ABL2: variants seen among roughly 807,000 people sequenced by gnomAD.
The protein encoded by ABL2 is ABL proto-oncogene 2, non-receptor tyrosine kinase.
In ABL2, 49 loss-of-function variants were observed where a neutral mutation model predicts 107.7. The ratio of observed to expected loss-of-function variants is 0.45; its 90% CI spans 0.36 to 0.58. ABL2 has a LOEUF of 0.58. Among genes scored for constraint, ABL2 ranks in the 20% least tolerant of loss-of-function variants. The pLI is 0.00. For synonymous variants in ABL2, 549 were observed against 548.6 expected (o/e 1.00, Z -0.01); for missense variants, 1,245 against 1,457.0 (o/e 0.85, Z 2.37).
At chr1:179,115,572 C>T (rs959544833) in intron 8 of ABL2, among the ~76,000 whole-genome samples, 2 of 152,124 alleles carry the variant, frequency 1.3e-5, no homozygotes, top group Admixed American at 6.6e-5. Context: ...ATATCCACAC[C>T]GTAGATGCTA....
At chr1:179,166,372 T>C (rs1659377401) in intron 1 of ABL2, among the ~76,000 whole-genome samples, 1 of 118,864 alleles carries the variant, frequency 8.4e-6, no homozygotes, top group African/African-American at 3.2e-5. Context: ...ACTCAGAATA[T>C]ACAAAGAATT....
At chr1:179,124,016 T>C (rs1572644303) in intron 4 of ABL2, among the ~76,000 whole-genome samples, 1 of 151,712 alleles carries the variant, frequency 6.6e-6, no homozygotes, top group Non-Finnish European at 1.5e-5. Context: ...CCAAGGCGGG[T>C]GGATCACGAG....
intron 8 of ABL2, among the ~76,000 whole-genome samples, chr1:179,115,360 C>T (rs1654524151): frequency 6.6e-6 from 1 of 152,162 alleles, no homozygotes; most frequent in African/African-American, 2.4e-5. Context: ...TTTTGATATA[C>T]AGTAGTCACC....
chr1:179,120,121 T>A, intron 6 of ABL2, 69 bp downstream of exon 6: 1 of 962,060 alleles, frequency 1.0e-6, no homozygotes, highest in East Asian at 2.7e-5. Flanking sequence ...AAAAAGCATT[T>A]GGAGATAACA....
At chr1:179,227,883 C>A (rs1205539588) in intron 1 of ABL2, among the ~76,000 whole-genome samples, 1 of 151,710 alleles carries the variant, frequency 6.6e-6, no homozygotes, top group Non-Finnish European at 1.5e-5. Context: ...AAACCCCACC[C>A]TACTAAAAAC....
intron 1 of ABL2, among the ~76,000 whole-genome samples, chr1:179,180,225 T>C (rs913714891): frequency 6.6e-6 from 1 of 152,126 alleles, no homozygotes; most frequent in East Asian, 1.9e-4. Flanking sequence ...GGCTACAGCC[T>C]CAGGAGCATG....
intron 1 of ABL2, among the ~76,000 whole-genome samples, chr1:179,144,584 T>C (rs1572697301): frequency 6.6e-6 from 1 of 152,118 alleles, no homozygotes; most frequent in African/African-American, 2.4e-5. Flanking sequence ...AGTAACAGGG[T>C]AAGATAATAG....
intron 1 of ABL2, among the ~76,000 whole-genome samples, chr1:179,156,996 A>G (rs1485436329): frequency 6.6e-6 from 1 of 152,168 alleles, no homozygotes; most frequent in Non-Finnish European, 1.5e-5. Context: ...GACTCACAAT[A>G]AAGCTCATTG....
chr1:179,206,691 G>A (rs1312755441), intron 1 of ABL2, among the ~76,000 whole-genome samples: 1 of 152,160 alleles, frequency 6.6e-6, no homozygotes, highest in South Asian at 2.1e-4. Context: ...CAAAATTTGG[G>A]TGGCTGAAGA....
At position 179,229,429 on chromosome 1, in the gene ABL2, G is replaced by T; in HGVS notation, c.-32C>A. 1 of 1,471,298 alleles carries T rather than the reference G, an allele frequency of 6.8e-7. No individual in the cohort carries two copies. Among genetic ancestry groups the T allele is most frequent in the Non-Finnish European group, 8.9e-7 (1 of 1,123,206 alleles). 91.1% of individuals were successfully genotyped at this position (1,471,298 alleles called of 1,614,324 possible). ...TCTCGCGTACTCCCGCGCCCCCGCCGACCCCTGGTCACATTCCTCCTCGGC... is the reference window on the plus strand; with the variant it reads ...TCTCGCGTACTCCCGCGCCCCCGCCTACCCCTGGTCACATTCCTCCTCGGC... On this transcript the variant is annotated 5_prime_UTR_variant, in exon 1 of 12. Transcript: ENST00000502732.
At chr1:179,146,005 T>G (rs985158331) in intron 1 of ABL2, among the ~76,000 whole-genome samples, 1 of 151,882 alleles carries the variant, frequency 6.6e-6, no homozygotes, top group African/African-American at 2.4e-5. Flanking sequence ...GCGATTCTCC[T>G]GCCTCAGCCT....
At chr1:179,210,099 A>G (rs772841859) in intron 1 of ABL2, among the ~76,000 whole-genome samples, 6 of 152,180 alleles carry the variant, frequency 3.9e-5, no homozygotes, top group Non-Finnish European at 7.3e-5. Context: ...TCCTGCCTCA[A>G]GCAATCTTCC....
intron 1 of ABL2, among the ~76,000 whole-genome samples, chr1:179,141,257 C>A (rs1477110572): frequency 3.3e-5 from 5 of 151,670 alleles, no homozygotes; most frequent in African/African-American, 1.2e-4. Context: ...CACCATTGTA[C>A]TCCAATCTAG....
chr1:179,173,358 A>AT (rs554479137), intron 1 of ABL2, among the ~76,000 whole-genome samples: 2,218 of 106,106 alleles, frequency 0.021, 93 homozygotes, highest in African/African-American at 0.057. Flanking sequence ...AAAGGCTGTA[A>AT]TTTTTTTTTT....
At position 179,202,022 on chromosome 1, in the gene ABL2, C is replaced by T. The variant is rs530298392; in HGVS notation, c.157+27219G>A. The stretch of plus-strand genomic sequence containing the variant: ...GGGAAGGGAGCCAAGGGATGGACAT[C>T]TTGTCATTTTTTTTTCTTTGAATAA... On this transcript the variant is annotated intron_variant, in intron 1 of 11. Transcript: ENST00000502732. The T allele has an allele frequency of 7.6e-5, 46 of 605,892 alleles. No homozygotes were observed. The African/African-American group carries it at 8.9e-4, about 12-fold the overall frequency. The allele number at this position is 605,892 out of a possible 1,614,324, so 37.5% of individuals were successfully genotyped here. A position where few individuals can be genotyped will look rare whatever the true frequency, so the allele number is the denominator to read the frequency against.
chr1:179,205,545 C>T (rs977515089), intron 1 of ABL2, among the ~76,000 whole-genome samples: 21 of 152,114 alleles, frequency 1.4e-4, no homozygotes, highest in African/African-American at 4.8e-4. Context: ...CTTTCTAGAA[C>T]GATGGTTGAA....
At position 179,185,078 on chromosome 1, in the gene ABL2, G is replaced by A. The variant is rs184047596; in HGVS notation, c.157+44163C>T. Among the ~76,000 whole-genome samples the A allele has an allele frequency of 1.8e-4, 27 of 152,266 alleles. No individual in the cohort carries two copies. The East Asian group carries it at 5.2e-3, about 29-fold the overall frequency. On this transcript the variant is annotated intron_variant, in intron 1 of 11. Transcript: ENST00000502732. ...TCTTTTCTCCTTTCTCTGTATACTG[G>A]ACTCAGACAGTACACTGTGTCTCTA...
intron 1 of ABL2, among the ~76,000 whole-genome samples, chr1:179,213,306 T>A (rs1662390230): frequency 6.6e-6 from 1 of 152,086 alleles, no homozygotes; most frequent in Admixed American, 6.6e-5. Flanking sequence ...TTATTTATTT[T>A]TACGCTTATT....
At chr1:179,200,841 A>C (rs1406389405) in intron 1 of ABL2, among the ~76,000 whole-genome samples, 1 of 152,236 alleles carries the variant, frequency 6.6e-6, no homozygotes, top group Non-Finnish European at 1.5e-5. Context: ...GTCCAGAGAA[A>C]ACCAGGCGCA....
Sources: allele counts gnomAD v4.1 joint callset (sites outside exome capture counted in the v4.1 genomes callset), GRCh38; gene constraint gnomAD v4.1.1; transcripts MANE v1.5; gene names NCBI Gene and HGNC (gene_info 2026-07-23, HGNC 2026-07-21).